The following PIP4K2A variants were observed in gnomAD, a reference collection of about 807,000 sequenced individuals.
PIP4K2A encodes phosphatidylinositol-5-phosphate 4-kinase type 2 alpha.
Under a neutral mutation model 42.9 loss-of-function variants are expected in PIP4K2A, and 14 were observed. The ratio of observed to expected loss-of-function variants is 0.33; its 90% CI spans 0.22 to 0.51. The LOEUF is 0.51. Among genes scored for constraint, PIP4K2A ranks in the 20% least tolerant of loss-of-function variants. The pLI is 0.97. For missense variants in PIP4K2A, 434 were observed against 519.8 expected (o/e 0.83, Z 1.61); for synonymous variants, 192 against 192.2 (o/e 1.00, Z 0.01).
intron 6 of PIP4K2A, chr10:22,567,607 T>C (rs897122765): frequency 2.8e-6 from 2 of 704,960 alleles, no homozygotes; most frequent in African/African-American, 3.5e-5. Context: ...GCAAGTTGCA[T>C]GTGGAATGTT....
intron 1 of PIP4K2A, among the ~76,000 whole-genome samples, chr10:22,668,848 T>C (rs559430246): frequency 1.3e-5 from 2 of 152,356 alleles, no homozygotes; most frequent in Admixed American, 6.5e-5. Context: ...AAAACATGGT[T>C]TGGGCTGTTT....
At chr10:22,543,551 G>A (rs1836182329) in intron 7 of PIP4K2A, among the ~76,000 whole-genome samples, 1 of 152,170 alleles carries the variant, frequency 6.6e-6, no homozygotes, top group Non-Finnish European at 1.5e-5. Context: ...CATCCCCCCT[G>A]GTCTTTCCCC....
At chr10:22,708,723 T>C (rs762116010) in intron 1 of PIP4K2A, among the ~76,000 whole-genome samples, 12 of 152,208 alleles carry the variant, frequency 7.9e-5, no homozygotes, top group Non-Finnish European at 1.5e-4. Context: ...GAGAGTATGA[T>C]AAATGCACAG....
intron 4 of PIP4K2A, among the ~76,000 whole-genome samples, chr10:22,578,209 T>C (rs1252415772): frequency 6.6e-6 from 1 of 152,206 alleles, no homozygotes; most frequent in Non-Finnish European, 1.5e-5. Context: ...AAACCCTTCT[T>C]TGACTCCATG....
At chr10:22,544,502 G>A (rs1836211514) in intron 7 of PIP4K2A, among the ~76,000 whole-genome samples, 1 of 152,120 alleles carries the variant, frequency 6.6e-6, no homozygotes, top group Non-Finnish European at 1.5e-5. Flanking sequence ...CTCTACACCT[G>A]GAAGCCTCTC....
intron 1 of PIP4K2A, among the ~76,000 whole-genome samples, chr10:22,631,441 G>A (rs1838545868): frequency 6.6e-6 from 1 of 150,800 alleles, no homozygotes; most frequent in Non-Finnish European, 1.5e-5. Flanking sequence ...GGGGCAGAAG[G>A]TGGTCATCTG....
intron 1 of PIP4K2A, among the ~76,000 whole-genome samples, chr10:22,624,390 T>C (rs1176380926): frequency 6.6e-6 from 1 of 152,238 alleles, no homozygotes; most frequent in African/African-American, 2.4e-5. Context: ...CCAGTCAATA[T>C]TTGAAGACTC....
chr10:22,592,456 G>A (rs1174406764), intron 3 of PIP4K2A, among the ~76,000 whole-genome samples: 1 of 152,168 alleles, frequency 6.6e-6, no homozygotes, highest in Non-Finnish European at 1.5e-5. Flanking sequence ...AGGAGCCTGG[G>A]AGAGTGTCTT....
intron 1 of PIP4K2A, among the ~76,000 whole-genome samples, chr10:22,629,510 A>C (rs182219001): frequency 6.6e-6 from 1 of 150,656 alleles, no homozygotes; most frequent in Non-Finnish European, 1.5e-5. Context: ...TATTATAATT[A>C]AAAAAATCAA....
At chr10:22,655,664 A>C (rs889661197) in intron 1 of PIP4K2A, among the ~76,000 whole-genome samples, 3 of 152,252 alleles carry the variant, frequency 2.0e-5, no homozygotes, top group Non-Finnish European at 4.4e-5. Flanking sequence ...AAATTCTTCC[A>C]AATATTTTAA....
At chr10:22,545,401 G>A (rs945607011) in intron 7 of PIP4K2A, among the ~76,000 whole-genome samples, 1 of 152,216 alleles carries the variant, frequency 6.6e-6, no homozygotes, top group Admixed American at 6.5e-5. Context: ...AGGGCAGAGA[G>A]GGAAGGGGAC....
chr10:22,636,660 C>T (rs1254849917), intron 1 of PIP4K2A, among the ~76,000 whole-genome samples: 1 of 152,242 alleles, frequency 6.6e-6, no homozygotes, highest in Admixed American at 6.5e-5. Flanking sequence ...GGAATAGAGA[C>T]ATGTCCTTCA....
chr10:22,616,159 G>T (rs1283884612), intron 1 of PIP4K2A, among the ~76,000 whole-genome samples: 1 of 152,200 alleles, frequency 6.6e-6, no homozygotes, highest in African/African-American at 2.4e-5. Flanking sequence ...AAATGTCCCT[G>T]ATTATGGTAT....
At chr10:22,567,998 C>T in intron 5 of PIP4K2A, 109 bp from the exon 6 acceptor site, 2 of 953,252 alleles carry the variant, frequency 2.1e-6, no homozygotes, top group Non-Finnish European at 3.4e-6. Flanking sequence ...TCAGCACCCA[C>T]TCTGCTTCGC....
rs533587885 is a variant in PIP4K2A at position 22,632,216 on chromosome 10, G to T, written c.145-22499C>A. Among the ~76,000 whole-genome samples, 809 of 152,218 alleles carry T rather than the reference G, an allele frequency of 5.3e-3. 5 individuals are homozygous for T. Among genetic ancestry groups the T allele is most frequent in the Non-Finnish European group, 7.5e-3 (509 of 67,990 alleles). On this transcript the variant is annotated intron_variant, in intron 1 of 9. Transcript: ENST00000376573. The stretch of plus-strand genomic sequence containing the variant: ...GAAAGAAAACAAAAGTGGAATGAGT[G>T]CGGAAATGTAAATAAGAGCTTTCTA...
At chr10:22,646,170 A>T (rs951523799) in intron 1 of PIP4K2A, 3 of 152,220 alleles carry the variant, frequency 2.0e-5, no homozygotes, top group Non-Finnish European at 2.9e-5. Context: ...GGAAGAAAAC[A>T]GGCTTCTCTG....
At chr10:22,627,942 G>A (rs1193217081) in intron 1 of PIP4K2A, among the ~76,000 whole-genome samples, 1 of 152,150 alleles carries the variant, frequency 6.6e-6, no homozygotes. Flanking sequence ...CTACCTTAAG[G>A]GTGGGGACTA....
chr10:22,608,124 C>A, intron 2 of PIP4K2A, 101 bp from the exon 3 acceptor site: 1 of 688,712 alleles, frequency 1.5e-6, no homozygotes, highest in Non-Finnish European at 2.5e-6. Flanking sequence ...GTTCAGAGTT[C>A]ACTGCCTACC....
At chr10:22,689,841 C>T (rs889688268) in intron 1 of PIP4K2A, among the ~76,000 whole-genome samples, 17 of 152,192 alleles carry the variant, frequency 1.1e-4, no homozygotes, top group African/African-American at 4.1e-4. Context: ...CAACACCTTG[C>T]GATGTCTTTA....
Sources: allele counts gnomAD v4.1 joint callset (sites outside exome capture counted in the v4.1 genomes callset), GRCh38; gene constraint gnomAD v4.1.1; transcripts MANE v1.5; gene names NCBI Gene and HGNC (gene_info 2026-07-23, HGNC 2026-07-21).